SDK2: variants seen among roughly 807,000 people sequenced by gnomAD.
SDK2 encodes sidekick cell adhesion molecule 2, also known as protein sidekick-2.
In SDK2, 105 loss-of-function variants were observed where a neutral mutation model predicts 253.9. The observed-to-expected ratio is 0.41, with a 90% CI of 0.35 to 0.49. The LOEUF is 0.49. Ranked by LOEUF, SDK2 falls within the 20% of genes least tolerant of loss-of-function variation. SDK2 has a pLI of 0.06. For missense variants in SDK2, 2,608 were observed against 3,003.0 expected, an observed-to-expected ratio of 0.87 and a Z score of 3.07; for synonymous variants, 1,249 against 1,234.9, an observed-to-expected ratio of 1.01 and a Z score of -0.24.
At position 73,443,926 on chromosome 17, in the gene SDK2, C is replaced by T. The variant is rs766267738; in HGVS notation, c.614-3003G>A. On this transcript the variant is annotated intron_variant, in intron 5 of 44. Transcript: ENST00000392650. The surrounding 1 kb of genome is among the most constrained non-coding windows in gnomAD (Gnocchi z 4.6). Reference sequence around the variant, plus strand: ...TGTTCCAGGCACCAGAGATTCTCCACCAAGCGAGATGGCCAGGGTCTGTCC... The same window carrying T: ...TGTTCCAGGCACCAGAGATTCTCCATCAAGCGAGATGGCCAGGGTCTGTCC... 1.3e-5 allele frequency among the ~76,000 whole-genome samples: 2 copies of T among 152,174 alleles called. No homozygotes were observed. Among genetic ancestry groups the T allele is most frequent in the Non-Finnish European group, 2.9e-5 (2 of 68,022 alleles).
chr17:73,428,929 C>G (rs913028965), intron 12 of SDK2, among the ~76,000 whole-genome samples: 1 of 152,154 alleles, frequency 6.6e-6, no homozygotes, highest in African/African-American at 2.4e-5. Context: ...GCGAGGACCT[C>G]CCTTCAGTAA....
intron 3 of SDK2, among the ~76,000 whole-genome samples, chr17:73,461,028 C>T (rs373157123): frequency 2.0e-5 from 3 of 152,340 alleles, no homozygotes; most frequent in African/African-American, 7.2e-5. Flanking sequence ...CAGGTTCAGT[C>T]CATGTTCACC....
At chr17:73,472,379 G>A (rs2063658289) in intron 2 of SDK2, among the ~76,000 whole-genome samples, 161 bp from the exon 3 acceptor site, 1 of 152,186 alleles carries the variant, frequency 6.6e-6, no homozygotes, top group African/African-American at 2.4e-5. Flanking sequence ...TCACACAAAG[G>A]TCTTTATCAA....
chr17:73,560,923 T>C (rs2145851371), intron 1 of SDK2, among the ~76,000 whole-genome samples: 1 of 152,212 alleles, frequency 6.6e-6, no homozygotes, highest in East Asian at 1.9e-4. Flanking sequence ...CAGGATCCTC[T>C]TTGAGGTCAG....
chr17:73,381,077 AAG>A, intron 33 of SDK2, 127 bp from the exon 34 acceptor site: 1 of 647,412 alleles, frequency 1.5e-6, no homozygotes, highest in Non-Finnish European at 2.8e-6. Context: ...AACAGACAGG[AAG>A]AGTGTTTCCA....
At chr17:73,518,019 C>T (rs1599641811) in intron 1 of SDK2, 1 of 152,310 alleles carries the variant, frequency 6.6e-6, no homozygotes, top group East Asian at 1.9e-4. Flanking sequence ...TGCTACATCC[C>T]CCACTGCTGG....
chr17:73,371,398 G>A (rs1478868776), intron 36 of SDK2, among the ~76,000 whole-genome samples: 5 of 152,134 alleles, frequency 3.3e-5, no homozygotes, highest in African/African-American at 4.8e-5. Flanking sequence ...AGGAAAGCAA[G>A]CATTTTGAGA....
intron 36 of SDK2, chr17:73,369,343 C>T (rs114491216): frequency 7.7e-5 from 21 of 272,668 alleles, no homozygotes; most frequent in South Asian, 3.7e-4. Flanking sequence ...AGGGCCACCC[C>T]GGGCCCGCTG....
chr17:73,347,784 C>A (rs1287444177), intron 44 of SDK2, among the ~76,000 whole-genome samples: 2 of 152,196 alleles, frequency 1.3e-5, no homozygotes, highest in Non-Finnish European at 2.9e-5. Context: ...AGCCCCTTCC[C>A]CACACAGCCT....
intron 1 of SDK2, among the ~76,000 whole-genome samples, chr17:73,526,707 G>C (rs1035529645): frequency 1.5e-4 from 23 of 152,118 alleles, no homozygotes; most frequent in African/African-American, 5.6e-4. Flanking sequence ...GTGTGTATTT[G>C]TGTCCTGAGG....
rs1567871222 is a variant in SDK2, at chr17:73,609,147, T to TGTGTGG, written c.64+34877_64+34878insCCACAC. ...AAGATCAGGAGTTTGCAAGACCTTGTGTGTGTTCAGTTGGGATGACTTGGT... is the reference window on the plus strand; with the variant it reads ...AAGATCAGGAGTTTGCAAGACCTTGTGTGTGGGTGTGTTCAGTTGGGATGACTTGGT... On this transcript the variant is annotated intron_variant, in intron 1 of 44. Transcript: ENST00000392650. This position sits in a 1 kb window ranked among gnomAD's most constrained non-coding sequence, Gnocchi z 4.4. 1.3e-5 allele frequency among the ~76,000 whole-genome samples: 2 copies of TGTGTGG among 151,970 alleles called. No individual in the cohort carries two copies. Among genetic ancestry groups the TGTGTGG allele is most frequent in the Admixed American group, 1.3e-4 (2 of 15,266 alleles).
intron 37 of SDK2, among the ~76,000 whole-genome samples, chr17:73,366,047 G>A (rs1429318490): frequency 2.0e-5 from 3 of 152,190 alleles, no homozygotes; most frequent in Non-Finnish European, 4.4e-5. Context: ...GGCAGGAAGC[G>A]TCCCAATCTG....
At chr17:73,637,277 C>T (rs915828850) in intron 1 of SDK2, among the ~76,000 whole-genome samples, 3 of 152,110 alleles carry the variant, frequency 2.0e-5, no homozygotes, top group African/African-American at 7.2e-5. Context: ...TGTCTTTTTC[C>T]AGCACACGAA....
At chr17:73,505,745 G>T (rs35084252) in intron 2 of SDK2, among the ~76,000 whole-genome samples, 83,037 of 132,824 alleles carry the variant, frequency 0.63, 25,433 homozygotes, top group Non-Finnish European at 0.67. Flanking sequence ...GACCTCATCA[G>T]CATCAATAGC....
chr17:73,456,066 C>T lies in SDK2; in HGVS notation c.332-13G>A. On this transcript the variant is annotated splice_polypyrimidine_tract_variant and intron_variant, in intron 3 of 44. Coordinates refer to ENST00000392650, the MANE Select transcript of SDK2 (RefSeq NM_001144952.2). ...AAGCTCCCCATGTCTGCAGCCGGGACAACGGCAGTAGGATCAGGGGCGGGA... is the reference window on the plus strand; with the variant it reads ...AAGCTCCCCATGTCTGCAGCCGGGATAACGGCAGTAGGATCAGGGGCGGGA... 2 of 1,476,852 alleles carry T rather than the reference C, an allele frequency of 1.4e-6. No homozygotes were observed. The highest frequency in any genetic ancestry group is 2.2e-5 in the Admixed American group (1 of 45,884). 91.5% of individuals were successfully genotyped at this position (1,476,852 alleles called of 1,614,324 possible).
At chr17:73,372,824 T>C (rs1346780121) in intron 36 of SDK2, among the ~76,000 whole-genome samples, 1 of 152,204 alleles carries the variant, frequency 6.6e-6, no homozygotes, top group Non-Finnish European at 1.5e-5. Context: ...CATGGTGTTC[T>C]GATATACACA....
At chr17:73,357,718 C>T in intron 40 of SDK2, 1 of 337,778 alleles carries the variant, frequency 3.0e-6, no homozygotes, top group Non-Finnish European at 5.5e-6. Context: ...CGAGAGGCAG[C>T]CAGGGTCTTC....
intron 18 of SDK2, among the ~76,000 whole-genome samples, chr17:73,410,124 G>A (rs1275851249): frequency 6.6e-6 from 1 of 152,112 alleles, no homozygotes; most frequent in South Asian, 2.1e-4. Context: ...AAAGTGTTGC[G>A]ATTCCAGGCG....
intron 2 of SDK2, among the ~76,000 whole-genome samples, chr17:73,484,553 C>T (rs976066829): frequency 7.2e-5 from 11 of 152,328 alleles, no homozygotes; most frequent in Non-Finnish European, 1.3e-4. Context: ...CATCCAGGGG[C>T]GTATTTGTTT....
Sources: gnomAD v4.1 joint callset for allele counts (sites outside exome capture counted in the v4.1 genomes callset) on GRCh38, gnomAD v4.1.1 for gene constraint, Gnocchi (gnomAD v3.1) non-coding constraint, MANE v1.5 for transcripts, NCBI Gene and HGNC (gene_info 2026-07-23, HGNC 2026-07-21) for gene names.